Variants in EPHA6 observed in about 807,000 individuals in gnomAD.
The protein encoded by EPHA6 is ephrin type-A receptor 6.
A neutral mutation model predicts 112.0 loss-of-function variants in EPHA6; 50 were observed. The observed-to-expected ratio is 0.45, with a 90% CI of 0.36 to 0.56. The LOEUF (loss-of-function observed/expected upper bound fraction) is 0.56, where lower values mean the gene tolerates loss of function less well. EPHA6 is among the 20% of genes least tolerant of loss of function. EPHA6 has a pLI of 0.00. For missense variants in EPHA6, 1,280 were observed against 1,417.4 expected, an observed-to-expected ratio of 0.90 and a Z score of 1.56; for synonymous variants, 529 against 490.7, an observed-to-expected ratio of 1.08 and a Z score of -1.03.
chr3:97,008,312 C>T (rs1490062395), intron 3 of EPHA6, among the ~76,000 whole-genome samples: 1 of 152,026 alleles, frequency 6.6e-6, no homozygotes, highest in East Asian at 1.9e-4. Context: ...ATTTTTCATT[C>T]TTTTTTCTCT....
At chr3:97,445,425 G>A (rs1173093071) in intron 6 of EPHA6, among the ~76,000 whole-genome samples, 1 of 152,104 alleles carries the variant, frequency 6.6e-6, no homozygotes, top group Non-Finnish European at 1.5e-5. Flanking sequence ...AAATGTGCAA[G>A]TAATAGTTCT....
chr3:97,233,306 A>T (rs2078584750), intron 4 of EPHA6, among the ~76,000 whole-genome samples: 1 of 140,142 alleles, frequency 7.1e-6, no homozygotes, highest in African/African-American at 3.1e-5. Flanking sequence ...ATTACAATGT[A>T]TGCAAAAAAA....
chr3:97,257,099 C>T (rs182000711), intron 5 of EPHA6, among the ~76,000 whole-genome samples: 112 of 151,884 alleles, frequency 7.4e-4, no homozygotes, highest in Non-Finnish European at 1.4e-3. Context: ...AAAATTTATT[C>T]AGGGAAAACT....
At chr3:96,900,367 G>A (rs758298142) in intron 2 of EPHA6, among the ~76,000 whole-genome samples, 3 of 152,068 alleles carry the variant, frequency 2.0e-5, no homozygotes, top group Non-Finnish European at 4.4e-5. Flanking sequence ...ATGTAATTTG[G>A]AAGAAAATGT....
At chr3:97,712,994 T>C (rs895888186) in intron 14 of EPHA6, among the ~76,000 whole-genome samples, 5 of 152,126 alleles carry the variant, frequency 3.3e-5, no homozygotes, top group African/African-American at 1.2e-4. Flanking sequence ...TCTGCCCCTA[T>C]TCTCTATGAA....
At chr3:97,304,176 T>C (rs2081213680) in intron 5 of EPHA6, among the ~76,000 whole-genome samples, 1 of 152,024 alleles carries the variant, frequency 6.6e-6, no homozygotes, top group Non-Finnish European at 1.5e-5. Context: ...CATAGGATAA[T>C]GTCATCTGCA....
Position 97,663,737 on chromosome 3 carries a change from C to T in EPHA6, c.2784+25655C>T, listed in dbSNP as rs575253929. Among the ~76,000 whole-genome samples the T allele has an allele frequency of 1.1e-4, 17 of 152,034 alleles. No individual in the cohort carries two copies. In the South Asian group the frequency reaches 2.7e-3, roughly 24 times the overall value. On this transcript the variant is annotated intron_variant, in intron 14 of 17. Transcript: ENST00000389672. ...ATTTTCTTAATCCAGTCTATCATTG[C>T]TGGACATTTGGGTTGGTTCCAAGTC...
intron 14 of EPHA6, among the ~76,000 whole-genome samples, chr3:97,687,750 C>CAAAACCT (rs2032359522): frequency 6.6e-6 from 1 of 152,156 alleles, no homozygotes; most frequent in Non-Finnish European, 1.5e-5. Context: ...GCTGAAAATA[C>CAAAACCT]AAAACCTTTA....
intron 2 of EPHA6, among the ~76,000 whole-genome samples, chr3:96,937,843 A>T (rs1267867894): frequency 6.7e-6 from 1 of 149,866 alleles, no homozygotes; most frequent in Non-Finnish European, 1.5e-5. Flanking sequence ...CAGTTTTCCC[A>T]GCACCATTTA....
intron 12 of EPHA6, among the ~76,000 whole-genome samples, chr3:97,599,208 T>C (rs1417597232): frequency 4.7e-5 from 7 of 150,244 alleles, no homozygotes; most frequent in African/African-American, 1.5e-4. Context: ...TTCTCCCATT[T>C]TGTAGGTTGC....
chr3:96,937,603 T>A (rs1208154542), intron 2 of EPHA6, among the ~76,000 whole-genome samples: 1 of 152,192 alleles, frequency 6.6e-6, no homozygotes, highest in Admixed American at 6.5e-5. Flanking sequence ...AGAAGCTCTT[T>A]AGTTTAATTA....
intron 13 of EPHA6, among the ~76,000 whole-genome samples, chr3:97,611,677 ATCTG>A (rs900187364): frequency 3.3e-5 from 5 of 149,848 alleles, no homozygotes; most frequent in South Asian, 4.1e-4. Flanking sequence ...CTATCTGTCT[ATCTG>A]TCTATCTATC....
chr3:97,099,921 T>C (rs2108257225), intron 3 of EPHA6, among the ~76,000 whole-genome samples: 1 of 152,160 alleles, frequency 6.6e-6, no homozygotes, highest in Middle Eastern at 3.4e-3. Context: ...TTATTGCTGT[T>C]AGTCTACCTT....
At chr3:96,849,316 T>C (rs1289092971) in intron 1 of EPHA6, among the ~76,000 whole-genome samples, 1 of 152,132 alleles carries the variant, frequency 6.6e-6, no homozygotes, top group Non-Finnish European at 1.5e-5. Context: ...ATTAACACTG[T>C]GGGAGTTTGG....
intron 13 of EPHA6, among the ~76,000 whole-genome samples, chr3:97,635,759 A>T (rs2093939488): frequency 1.3e-5 from 2 of 152,130 alleles, no homozygotes; most frequent in African/African-American, 4.8e-5. Context: ...TGAATAAGGT[A>T]AAAACTCAAT....
rs9874922 is a variant in EPHA6, at chr3:97,651,764, G to C, written c.2784+13682G>C. On this transcript the variant is annotated intron_variant, in intron 14 of 17. Transcript: ENST00000389672. Reference sequence around the variant, plus strand: ...AATCAGCACATGTCCAGCAAGCAGAGAGTAAAATGTCATTGGCCCATCTTG... The same window carrying C: ...AATCAGCACATGTCCAGCAAGCAGACAGTAAAATGTCATTGGCCCATCTTG... 2.9e-3 allele frequency among the ~76,000 whole-genome samples: 441 copies of C among 152,108 alleles called. 3 individuals are homozygous for C. The highest frequency in any genetic ancestry group is 9.7e-3 in the African/African-American group (404 of 41,504).
rs182838377 is a variant in EPHA6, at chr3:97,190,722, G to T, written c.1115-35542G>T. On this transcript the variant is annotated intron_variant, in intron 3 of 17. Coordinates refer to ENST00000389672, the MANE Select transcript of EPHA6 (RefSeq NM_001080448.3). Reference sequence around the variant, plus strand: ...ATTATCTCACATACTTATTTTTTGTGGAGGGGAGCGGGGAGGGATAGCATT... The same window carrying T: ...ATTATCTCACATACTTATTTTTTGTTGAGGGGAGCGGGGAGGGATAGCATT... Among the ~76,000 whole-genome samples, 846 of 152,000 alleles carry T rather than the reference G, an allele frequency of 5.6e-3. 5 individuals are homozygous for T. The highest frequency in any genetic ancestry group is 0.019 in the African/African-American group (774 of 41,462).
intron 3 of EPHA6, among the ~76,000 whole-genome samples, chr3:97,090,254 A>T (rs2047021630): frequency 6.6e-6 from 1 of 152,050 alleles, no homozygotes; most frequent in African/African-American, 2.4e-5. Context: ...TTATTAGGTT[A>T]TTTTGACAAG....
chr3:97,713,628 C>G (rs914985182), intron 14 of EPHA6, among the ~76,000 whole-genome samples: 8 of 152,190 alleles, frequency 5.3e-5, no homozygotes, highest in African/African-American at 1.9e-4. Flanking sequence ...AAATTGTGTG[C>G]CCCTGCACAA....
Sources: allele counts gnomAD v4.1 joint callset (sites outside exome capture counted in the v4.1 genomes callset), GRCh38; gene constraint gnomAD v4.1.1; transcripts MANE v1.5; gene names NCBI Gene and HGNC (gene_info 2026-07-23, HGNC 2026-07-21).